TMEM91: variants seen among roughly 807,000 people sequenced by gnomAD.
The protein encoded by TMEM91 is transmembrane protein 91.
In TMEM91, 6 loss-of-function variants were observed where a neutral mutation model predicts 13.3. The ratio of observed to expected loss-of-function variants is 0.45; its 90% CI spans 0.25 to 0.89. The LOEUF (loss-of-function observed/expected upper bound fraction) is 0.89, where lower values mean the gene tolerates loss of function less well. Among genes scored for constraint, TMEM91 ranks in the 40% least tolerant of loss-of-function variants. The pLI, the probability that TMEM91 is intolerant of heterozygous loss-of-function variation, is 0.19. For synonymous variants in TMEM91, 87 were observed against 101.7 expected (o/e 0.86, Z 0.87); for missense variants, 193 against 228.7 (o/e 0.84, Z 1.01).
chr19:41,380,959 G>A (rs1175349983), intron 2 of TMEM91, among the ~76,000 whole-genome samples: 2 of 145,706 alleles, frequency 1.4e-5, no homozygotes, highest in Non-Finnish European at 3.0e-5. Flanking sequence ...GGTGGTGGGT[G>A]CCTGTAATCC....
At chr19:41,375,804 C>T (rs1308247502), upstream of TMEM91, among the ~76,000 whole-genome samples, 3 of 150,882 alleles carry the variant, frequency 2.0e-5, no homozygotes, top group South Asian at 2.1e-4. Context: ...CAGAGCAAGA[C>T]CCCGTCTTTT....
upstream of TMEM91, among the ~76,000 whole-genome samples, chr19:41,374,902 G>T (rs1479428157): frequency 5.9e-5 from 9 of 152,172 alleles, no homozygotes; most frequent in African/African-American, 2.2e-4. Context: ...AGAATCGCTT[G>T]AACCTGGGAG....
chr19:41,374,955 C>T (rs544624985), upstream of TMEM91, among the ~76,000 whole-genome samples: 1 of 152,206 alleles, frequency 6.6e-6, no homozygotes, highest in African/African-American at 2.4e-5. Flanking sequence ...TGCCCTCCAG[C>T]CTGGGCAACA....
At chr19:41,369,300 C>T (rs2038576205) in intron 1 of TMEM91, among the ~76,000 whole-genome samples, 1 of 152,104 alleles carries the variant, frequency 6.6e-6, no homozygotes. Flanking sequence ...GCCTCAGCCT[C>T]CCAAGTAGCT....
chr19:41,366,869 G>A (rs868689061), intron 1 of TMEM91, among the ~76,000 whole-genome samples: 3 of 152,178 alleles, frequency 2.0e-5, no homozygotes, highest in African/African-American at 7.2e-5. Context: ...CGGATTCGGT[G>A]GTTCATGCCC....
chr19:41,370,425 G>A (rs200884888), intron 1 of TMEM91, among the ~76,000 whole-genome samples: 2 of 47,244 alleles, frequency 4.2e-5, no homozygotes, highest in South Asian at 6.1e-4. Flanking sequence ...TTATTTATTT[G>A]AGACAGAGTC....
At chr19:41,366,381 G>A (rs753979477) in intron 1 of TMEM91, among the ~76,000 whole-genome samples, 6 of 151,706 alleles carry the variant, frequency 4.0e-5, no homozygotes, top group African/African-American at 9.7e-5. Flanking sequence ...CCTCTTTGTC[G>A]CCCTGCACCT....
At chr19:41,366,192 T>G (rs895925086) in intron 1 of TMEM91, among the ~76,000 whole-genome samples, 5 of 151,818 alleles carry the variant, frequency 3.3e-5, no homozygotes, top group African/African-American at 1.2e-4. Flanking sequence ...ATTTATTTAT[T>G]TATTTATTTC....
In TMEM91 at chr19:41,382,772, G is replaced by A; in HGVS notation, c.211G>A (p.Asp71Asn). Residue 71 changes from aspartate (D) to asparagine (N), a missense_variant and splice_region_variant, in exon 3 of 4, where the codon GAC becomes AAC. By Grantham distance (23) the Asp-to-Asn change is conservative. Transcript: ENST00000392002. The part of the protein sequence containing the change: ...LGEPRPPDVE[D>N]MSSSDSDSDW... ...CACCTGGGCACTTTCCTGTCCGTAGGACATGTCATCCAGTGACAGTGACTC... is the reference window on the plus strand; with the variant it reads ...CACCTGGGCACTTTCCTGTCCGTAGAACATGTCATCCAGTGACAGTGACTC... The A allele has an allele frequency of 1.2e-6, 2 of 1,613,628 alleles. No individual in the cohort carries two copies. Among genetic ancestry groups the A allele is most frequent in the South Asian group, 1.1e-5 (1 of 91,024 alleles).
At chr19:41,378,858 G>T (rs530713786) in intron 2 of TMEM91, among the ~76,000 whole-genome samples, 12 of 151,266 alleles carry the variant, frequency 7.9e-5, no homozygotes, top group African/African-American at 2.9e-4. Context: ...GAGAGACAGG[G>T]TCTCGCTCTG....
intron 1 of TMEM91, among the ~76,000 whole-genome samples, chr19:41,366,353 C>G: frequency 6.6e-6 from 1 of 151,902 alleles, no homozygotes. Flanking sequence ...TGAAATACAC[C>G]CTAAATCCCA....
At chr19:41,380,407 G>C (rs2038851757) in intron 2 of TMEM91, among the ~76,000 whole-genome samples, 1 of 152,180 alleles carries the variant, frequency 6.6e-6, no homozygotes, top group South Asian at 2.1e-4. Context: ...TGAGTCATGA[G>C]CCTGCTCAAA....
At position 41,364,204 on chromosome 19, in the gene TMEM91, T is replaced by G. The variant is rs547403417; in HGVS notation, c.-30+109T>G. 1.4e-4 allele frequency: 22 copies of G among 156,552 alleles called. No individual in the cohort carries two copies. In the East Asian group the frequency reaches 3.8e-3, roughly 27 times the overall value. The allele number at this position is 156,552 out of a possible 1,614,324, so 9.7% of individuals were successfully genotyped here. On this transcript the variant is annotated intron_variant, in intron 1 of 3. Coordinates refer to the TMEM91 transcript ENST00000413014. The stretch of plus-strand genomic sequence containing the variant: ...TGTACTCGCTCTGCGCGCTACTAAT[T>G]GGTGCTAGCCGTCTGCGGGGGGCGG...
chr19:41,378,823 T>TGTGAGA (rs1415068368), intron 2 of TMEM91, among the ~76,000 whole-genome samples: 1 of 44,566 alleles, frequency 2.2e-5, no homozygotes, highest in Admixed American at 1.8e-4. Context: ...TGTGTGTGTG[T>TGTGAGA]GAGAGAGAGA....
chr19:41,373,475 G>C (rs1267582379), upstream of TMEM91, among the ~76,000 whole-genome samples: 2 of 150,662 alleles, frequency 1.3e-5, no homozygotes, highest in African/African-American at 4.9e-5. Flanking sequence ...CCCACTTTGT[G>C]CCAGGCACTG....
chr19:41,382,057 G>A (rs1280318641), intron 2 of TMEM91, among the ~76,000 whole-genome samples: 2 of 151,870 alleles, frequency 1.3e-5, no homozygotes, highest in African/African-American at 4.8e-5. Context: ...GTGGAGATGA[G>A]GTTTCACCAT....
intron 1 of TMEM91, among the ~76,000 whole-genome samples, chr19:41,371,311 C>CTCTCTCCTTCCTTCCT (rs2038613519): frequency 8.9e-6 from 1 of 111,914 alleles, no homozygotes; most frequent in African/African-American, 3.6e-5. Flanking sequence ...CCACTATCCT[C>CTCTCTCCTTCCTTCCT]TCCTTCCTTC....
At chr19:41,378,823 TGAGA>T (rs1160229560) in intron 2 of TMEM91, among the ~76,000 whole-genome samples, 775 of 44,600 alleles carry the variant, frequency 0.017, 7 homozygotes, top group African/African-American at 0.023. Context: ...TGTGTGTGTG[TGAGA>T]GAGAGAGAGA....
upstream of TMEM91, among the ~76,000 whole-genome samples, chr19:41,375,715 A>G (rs984158998): frequency 1.6e-4 from 24 of 151,354 alleles, no homozygotes; most frequent in African/African-American, 5.8e-4. Context: ...CCGCTTTGGG[A>G]GGCCGAGGCT....
Sources: allele counts gnomAD v4.1 joint callset (sites outside exome capture counted in the v4.1 genomes callset), GRCh38; gene constraint gnomAD v4.1.1; transcripts MANE v1.5; gene names NCBI Gene and HGNC (gene_info 2026-07-23, HGNC 2026-07-21).